The following RGS6 variants were observed in gnomAD, a reference collection of about 807,000 sequenced individuals.
RGS6 encodes regulator of G-protein signaling 6.
A neutral mutation model predicts 78.5 loss-of-function variants in RGS6; 30 were observed. The ratio of observed to expected loss-of-function variants is 0.38; its 90% confidence interval spans 0.29 to 0.52. The LOEUF is 0.52. RGS6 is among the 20% of genes least tolerant of loss of function. The pLI is 0.85. For synonymous variants in RGS6, 206 were observed against 206.0 expected (o/e 1.00, Z 0.00); for missense variants, 495 against 609.7 (o/e 0.81, Z 1.98).
intron 2 of RGS6, among the ~76,000 whole-genome samples, chr14:71,988,606 A>T (rs2094822491): frequency 1.3e-5 from 2 of 151,984 alleles, no homozygotes; most frequent in Non-Finnish European, 2.9e-5. Flanking sequence ...TGTGACAGAG[A>T]CTGTCCGTAT....
rs2097708634 is a variant in RGS6, at chr14:72,566,018, A to G, written c.*3551A>G. On this transcript the variant is annotated 3_prime_UTR_variant, in exon 18 of 18. Coordinates refer to ENST00000553525, the MANE Select transcript of RGS6 (RefSeq NM_001204424.2). ...CAAAAAGGAGCTGCCCAAGTTGAAT[A>G]TGTAGCAAAGACCATGGGATAAGTT... The G allele has an allele frequency of 6.6e-6, 1 of 152,198 alleles. No individual in the cohort carries two copies. Among genetic ancestry groups the G allele is most frequent in the Non-Finnish European group, 1.5e-5 (1 of 68,044 alleles). 9.4% of individuals were successfully genotyped at this position (152,198 alleles called of 1,614,324 possible).
chr14:72,520,990 G>A (rs915975259), intron 15 of RGS6, among the ~76,000 whole-genome samples: 1 of 152,174 alleles, frequency 6.6e-6, no homozygotes, highest in East Asian at 1.9e-4. Context: ...GGTATTTAGA[G>A]ACTAAAATCT....
chr14:71,946,780 T>C (rs182632902), intron 1 of RGS6, among the ~76,000 whole-genome samples: 17 of 152,306 alleles, frequency 1.1e-4, no homozygotes, highest in South Asian at 4.1e-4. Flanking sequence ...GCAAGGAATG[T>C]GCAAAGAATA....
intron 2 of RGS6, among the ~76,000 whole-genome samples, chr14:72,282,248 A>G (rs1233639726): frequency 1.3e-5 from 2 of 152,194 alleles, no homozygotes; most frequent in Non-Finnish European, 2.9e-5. Flanking sequence ...TCTATCAAAT[A>G]TACTTGACCT....
chr14:72,530,992 TAAACAC>T (rs1248936877), intron 15 of RGS6, among the ~76,000 whole-genome samples: 1 of 150,234 alleles, frequency 6.7e-6, no homozygotes, highest in Non-Finnish European at 1.5e-5. Context: ...TCTGTAAAAA[TAAACAC>T]ATACTGTTCC....
At chr14:72,103,478 T>C (rs1050824482) in intron 2 of RGS6, among the ~76,000 whole-genome samples, 4 of 152,234 alleles carry the variant, frequency 2.6e-5, no homozygotes, top group African/African-American at 9.7e-5. Flanking sequence ...TCTCTTTTGC[T>C]CTGAATAGCA....
the RGS6 span, among the ~76,000 whole-genome samples, chr14:71,912,130 A>C: frequency 6.6e-6 from 1 of 152,206 alleles, no homozygotes; most frequent in Non-Finnish European, 1.5e-5. Context: ...TTAGAAAGAA[A>C]TGCTGGTAGG....
intron 15 of RGS6, among the ~76,000 whole-genome samples, chr14:72,531,858 A>G (rs2153487605): frequency 6.6e-6 from 1 of 152,260 alleles, no homozygotes; most frequent in African/African-American, 2.4e-5. Context: ...ATTGTTTTTA[A>G]CTGCAGTCTG....
chr14:71,913,299 G>A, the RGS6 span, among the ~76,000 whole-genome samples: 1 of 152,178 alleles, frequency 6.6e-6, no homozygotes, highest in South Asian at 2.1e-4. Context: ...ATATGTGTAA[G>A]GCTGGCCCTG....
intron 2 of RGS6, among the ~76,000 whole-genome samples, chr14:72,016,511 G>A (rs2087012340): frequency 6.6e-6 from 1 of 152,128 alleles, no homozygotes; most frequent in Non-Finnish European, 1.5e-5. Flanking sequence ...GACTACAGGT[G>A]CCTGCCACCA....
rs543145679 is a variant in RGS6, at chr14:72,505,340, T to C, written c.966-4814T>C. 2.0e-5 allele frequency among the ~76,000 whole-genome samples: 3 copies of C among 152,316 alleles called. No individual in the cohort carries two copies. In the South Asian group the frequency reaches 6.2e-4, roughly 32 times the overall value. ...AATTCAATATCTGGTAAGGATCTGC[T>C]TTCTAGTTCATAGATGGCTGTCTTC... On this transcript the variant is annotated intron_variant, in intron 13 of 17. Coordinates refer to ENST00000553525, the MANE Select transcript of RGS6 (RefSeq NM_001204424.2).
intron 2 of RGS6, among the ~76,000 whole-genome samples, chr14:72,085,003 G>C (rs142151747): frequency 2.0e-5 from 3 of 152,154 alleles, no homozygotes; most frequent in South Asian, 4.1e-4. Context: ...AATCTGCTAC[G>C]TAAGAAGACA....
At chr14:72,439,151 G>A (rs114861353) in intron 3 of RGS6, among the ~76,000 whole-genome samples, 3,257 of 152,226 alleles carry the variant, frequency 0.021, 123 homozygotes, top group African/African-American at 0.075. Context: ...TCATTATTGC[G>A]CTGTTTTTCC....
chr14:72,450,229 C>G (rs2095459448), intron 3 of RGS6, among the ~76,000 whole-genome samples: 1 of 151,936 alleles, frequency 6.6e-6, no homozygotes, highest in Non-Finnish European at 1.5e-5. Context: ...TCTCAAGATG[C>G]TTTTCCACTG....
chr14:72,130,137 CT>C (rs1175366339), intron 2 of RGS6, among the ~76,000 whole-genome samples: 1 of 152,182 alleles, frequency 6.6e-6, no homozygotes, highest in Non-Finnish European at 1.5e-5. Context: ...AAGTGCTATA[CT>C]TACAATTACA....
chr14:72,265,850 C>T (rs1019594853), intron 2 of RGS6, among the ~76,000 whole-genome samples: 21 of 149,862 alleles, frequency 1.4e-4, no homozygotes, highest in Admixed American at 3.5e-4. Flanking sequence ...CCTCAGCCTC[C>T]GGTTTCTTCC....
At chr14:71,992,790 C>T (rs1178544971) in intron 2 of RGS6, among the ~76,000 whole-genome samples, 1 of 152,194 alleles carries the variant, frequency 6.6e-6, no homozygotes, top group Non-Finnish European at 1.5e-5. Context: ...TATAGCAGGG[C>T]TGTGTTTCTA....
At chr14:71,985,613 T>C (rs1222655457) in intron 2 of RGS6, among the ~76,000 whole-genome samples, 2 of 152,188 alleles carry the variant, frequency 1.3e-5, no homozygotes, top group East Asian at 3.8e-4. Flanking sequence ...TGGGCTTCTC[T>C]GGGTTGTTGT....
intron 2 of RGS6, among the ~76,000 whole-genome samples, chr14:72,298,783 G>A (rs1019860814): frequency 6.6e-6 from 1 of 152,080 alleles, no homozygotes; most frequent in East Asian, 1.9e-4. Flanking sequence ...TCAGTGTCTG[G>A]GCAACACTGG....
Sources: allele counts gnomAD v4.1 joint callset (sites outside exome capture counted in the v4.1 genomes callset), GRCh38; gene constraint gnomAD v4.1.1; transcripts MANE v1.5; gene names NCBI Gene and HGNC (gene_info 2026-07-23, HGNC 2026-07-21).